The following PCDHGB1 variants were observed in gnomAD, a reference collection of about 807,000 sequenced individuals.
PCDHGB1 encodes the protein protocadherin gamma-B1.
Under a neutral mutation model 56.6 loss-of-function variants are expected in PCDHGB1, and 34 were observed. That is an observed-to-expected ratio of 0.60 (90% CI 0.46 to 0.80). The LOEUF (loss-of-function observed/expected upper bound fraction) is 0.80. Ranked by LOEUF, PCDHGB1 falls within the 30% of genes least tolerant of loss-of-function variation. PCDHGB1 has a pLI of 0.00. For missense variants in PCDHGB1, 1,278 were observed against 1,204.6 expected, an observed-to-expected ratio of 1.06 and a Z score of -0.90; for synonymous variants, 561 against 505.9, an observed-to-expected ratio of 1.11 and a Z score of -1.46.
At chr5:141,360,888 G>GA (rs1462264831) in intron 1 of PCDHGB1, 2 of 1,613,934 alleles carry the variant, frequency 1.2e-6, no homozygotes, top group Non-Finnish European at 1.7e-6. Flanking sequence ...GGGTCACCCT[G>GA]AGGGAGGACG....
intron 1 of PCDHGB1, among the ~76,000 whole-genome samples, chr5:141,480,704 G>A (rs545986902): frequency 8.5e-5 from 13 of 152,206 alleles, no homozygotes; most frequent in East Asian, 5.8e-4. Flanking sequence ...GCCACACCCC[G>A]ACAAATGAAA....
chr5:141,427,829 G>C, intron 1 of PCDHGB1: 1 of 1,538,520 alleles, frequency 6.5e-7, no homozygotes. Flanking sequence ...TGGTCGCGCA[G>C]CGTGCCTTCG....
At position 141,482,530 on chromosome 5, in the gene PCDHGB1, C is replaced by CAA. The variant is rs3074545; in HGVS notation, c.2410-12259_2410-12258dup. ...CAGAGTACAGTATGAGACAGACATG[C>CAA]AAAAAAAAAAAAAAAAAAAGATAAT... On this transcript the variant is annotated intron_variant, in intron 1 of 3. Transcript: ENST00000523390. Among the ~76,000 whole-genome samples the CAA allele has an allele frequency of 5.5e-3, 422 of 76,516 alleles. 18 individuals are homozygous for CAA. Among genetic ancestry groups the CAA allele is most frequent in the African/African-American group, 0.016 (343 of 20,862 alleles). The allele number at this position is 76,516 out of a possible 152,430, so 50.2% of individuals were successfully genotyped here.
chr5:141,507,368 T>C (rs1446319165), intron 3 of PCDHGB1: 2 of 152,094 alleles, frequency 1.3e-5, no homozygotes, highest in Non-Finnish European at 2.9e-5. Context: ...GGGAGCCCTG[T>C]ACTTTTATTT....
rs374575578 is a variant in PCDHGB1 at position 141,409,643 on chromosome 5, T to G, written c.2409+56974T>G. 4.3e-6 allele frequency: 7 copies of G among 1,613,620 alleles called. No homozygotes were observed. The African/African-American group carries it at 8.0e-5, about 18-fold the overall frequency. ...GCAAGTGAGCGCCTCTGACCCGGAT[T>G]TGGGGCTCAATGGCCACATCTCCTA... On this transcript the variant is annotated intron_variant, in intron 1 of 3. Coordinates refer to ENST00000523390, the MANE Select transcript of PCDHGB1 (RefSeq NM_018922.3).
chr5:141,371,638 T>A, intron 1 of PCDHGB1: 1 of 1,613,996 alleles, frequency 6.2e-7, no homozygotes, highest in Non-Finnish European at 8.5e-7. Context: ...CGGGAGCAGA[T>A]CCCAGAATAC....
chr5:141,421,418 G>C, intron 1 of PCDHGB1: 1 of 1,614,086 alleles, frequency 6.2e-7, no homozygotes, highest in Middle Eastern at 1.7e-4. Context: ...GCGAAGCGCG[G>C]AGTCCGCATC....
At position 141,361,602 on chromosome 5, in the gene PCDHGB1, C is replaced by A. The variant is rs571629532; in HGVS notation, c.2409+8933C>A. The stretch of plus-strand genomic sequence containing the variant: ...TGGGCCCCAGTGGCCAAGTTTCCTA[C>A]TCCATCGTAGCGAGCGACCTGAAGC... On this transcript the variant is annotated intron_variant, in intron 1 of 3. Coordinates refer to ENST00000523390, the MANE Select transcript of PCDHGB1 (RefSeq NM_018922.3). 4.1e-5 allele frequency: 66 copies of A among 1,614,054 alleles called. 1 individual carries two copies. The Admixed American group carries it at 8.5e-4, about 21-fold the overall frequency.
At position 141,404,066 on chromosome 5, in the gene PCDHGB1, C is replaced by G. The variant is rs745515085; in HGVS notation, c.2409+51397C>G. The G allele has an allele frequency of 3.1e-6, 5 of 1,613,776 alleles. No individual in the cohort carries two copies. The East Asian group carries it at 8.9e-5, about 29-fold the overall frequency. On this transcript the variant is annotated intron_variant, in intron 1 of 3. Transcript: ENST00000523390. ...AACAGTAATTCTTCTTTTCAATGCT[C>G]ATGACCGAGACTCCGGGAAGAATGG...
In PCDHGB1 at chr5:141,432,088, A is replaced by T. The variant is rs144317211; in HGVS notation, c.2410-62719A>T. The T allele has an allele frequency of 2.9e-5, 47 of 1,614,148 alleles. No individual in the cohort carries two copies. In the African/African-American group the frequency reaches 5.7e-4, roughly 20 times the overall value. On this transcript the variant is annotated intron_variant, in intron 1 of 3. Transcript: ENST00000523390. This position sits in a 1 kb window ranked among gnomAD's most constrained non-coding sequence, Gnocchi z 6.0. Reference sequence around the variant, plus strand: ...AAACTCATATCTCGCTGAACGTGGCAGACACCAACGACAACCCGCCGGTCT... The same window carrying T: ...AAACTCATATCTCGCTGAACGTGGCTGACACCAACGACAACCCGCCGGTCT...
rs2099426122 is a variant in PCDHGB1 at position 141,477,960 on chromosome 5, A to C, written c.2410-16847A>C. On this transcript the variant is annotated intron_variant, in intron 1 of 3. Coordinates refer to ENST00000523390, the MANE Select transcript of PCDHGB1 (RefSeq NM_018922.3). This position sits in a 1 kb window ranked among gnomAD's most constrained non-coding sequence, Gnocchi z 4.9. ...TCCTACAGTCTCTTGGGATCCCCTAACCAGAGCCTTTTTGCCATAGGGCTG... is the reference window on the plus strand; with the variant it reads ...TCCTACAGTCTCTTGGGATCCCCTACCCAGAGCCTTTTTGCCATAGGGCTG... 1 of 1,613,952 alleles carries C rather than the reference A, an allele frequency of 6.2e-7. No individual in the cohort carries two copies. Among genetic ancestry groups the C allele is most frequent in the African/African-American group, 1.3e-5 (1 of 74,922 alleles).
intron 2 of PCDHGB1, among the ~76,000 whole-genome samples, chr5:141,500,508 C>T (rs2099801020): frequency 6.6e-6 from 1 of 152,078 alleles, no homozygotes; most frequent in African/African-American, 2.4e-5. Context: ...CGCGCCTGGC[C>T]GAGCTTCATT....
chr5:141,370,459 T>G, intron 1 of PCDHGB1: 2 of 1,612,272 alleles, frequency 1.2e-6, no homozygotes, highest in Admixed American at 3.3e-5. Flanking sequence ...CTCTTCCTGC[T>G]CTCTTTGTTA....
rs376494807 is a variant in PCDHGB1 at position 141,491,836 on chromosome 5, G to A, written c.2410-2971G>A. 4.2e-5 allele frequency: 62 copies of A among 1,472,880 alleles called. No homozygotes were observed. The highest frequency in any genetic ancestry group is 3.6e-4 in the Middle Eastern group (2 of 5,606). 91.2% of individuals were successfully genotyped at this position (1,472,880 alleles called of 1,614,324 possible). A position where few individuals can be genotyped will look rare whatever the true frequency, so the allele number is the denominator to read the frequency against. On this transcript the variant is annotated intron_variant, in intron 1 of 3. Coordinates refer to ENST00000523390, the MANE Select transcript of PCDHGB1 (RefSeq NM_018922.3). This position sits in a 1 kb window ranked among gnomAD's most constrained non-coding sequence, Gnocchi z 6.9. ...CTGGCTGCGCTCCACCCGATTCTCG[G>A]GATCATTGGACCGTTTGCGCGAAAC...
chr5:141,414,995 G>C (rs1431326081), intron 1 of PCDHGB1: 14 of 1,613,640 alleles, frequency 8.7e-6, no homozygotes, highest in Non-Finnish European at 1.2e-5. Context: ...CAGAACGCCT[G>C]GCTGTCCTAC....
intron 1 of PCDHGB1, chr5:141,388,548 C>A: frequency 6.2e-7 from 1 of 1,613,842 alleles, no homozygotes; most frequent in Non-Finnish European, 8.5e-7. Flanking sequence ...AGCTCCACCC[C>A]TAAGCAGCAC....
At chr5:141,392,879 G>A in intron 1 of PCDHGB1, 2 of 1,613,512 alleles carry the variant, frequency 1.2e-6, no homozygotes, top group South Asian at 1.1e-5. Flanking sequence ...TGCTGGGAAC[G>A]CTGTGGGAAA....
At position 141,383,792 on chromosome 5, in the gene PCDHGB1, C is replaced by T. The variant is rs766483523; in HGVS notation, c.2409+31123C>T. On this transcript the variant is annotated intron_variant, in intron 1 of 3. Coordinates refer to ENST00000523390, the MANE Select transcript of PCDHGB1 (RefSeq NM_018922.3). ...AAGATGTTTCATCTGAACTCGCTTA[C>T]AGGAGAAATATCAACTTTAGAAGGA... 2 of 1,613,914 alleles carry T rather than the reference C, an allele frequency of 1.2e-6. No homozygotes were observed. The highest frequency in any genetic ancestry group is 1.1e-5 in the South Asian group (1 of 91,080).
chr5:141,379,878 T>C (rs1775912256), intron 1 of PCDHGB1, among the ~76,000 whole-genome samples: 1 of 147,082 alleles, frequency 6.8e-6, no homozygotes, highest in African/African-American at 2.5e-5. Flanking sequence ...TTTTATGGTC[T>C]GTGAAAGCCT....
Sources: gnomAD v4.1 joint callset for allele counts (sites outside exome capture counted in the v4.1 genomes callset) on GRCh38, gnomAD v4.1.1 for gene constraint, Gnocchi (gnomAD v3.1) non-coding constraint, MANE v1.5 for transcripts, NCBI Gene and HGNC (gene_info 2026-07-23, HGNC 2026-07-21) for gene names.